Variants in CYP3A4 observed in about 807,000 individuals in gnomAD.
The protein encoded by CYP3A4 is cytochrome P450 3A4.
In CYP3A4, 41 loss-of-function variants were observed where a neutral mutation model predicts 54.9. The ratio of observed to expected loss-of-function variants is 0.75; its 90% CI spans 0.58 to 0.97. CYP3A4 has a LOEUF of 0.97. Among genes scored for constraint, CYP3A4 ranks in the 50% least tolerant of loss-of-function variants. The pLI is 0.00. For missense variants in CYP3A4, 510 were observed against 597.3 expected, an observed-to-expected ratio of 0.85 and a Z score of 1.52; for synonymous variants, 179 against 205.2, an observed-to-expected ratio of 0.87 and a Z score of 1.09.
chr7:99,767,175 A>T lies in CYP3A4; in HGVS notation c.754T>A (p.Ser252Thr), dbSNP rs3208363. 3 of 1,612,026 alleles carry T rather than the reference A, an allele frequency of 1.9e-6. No homozygotes were observed. The highest frequency in any genetic ancestry group is 1.7e-6 in the Non-Finnish European group (2 of 1,179,036). Residue 252 changes from serine (S) to threonine (T), a missense_variant, in exon 8 of 13, where the codon TCT becomes ACT. By Grantham distance (58) the Ser-to-Thr change is moderately conservative. Coordinates refer to ENST00000651514, the MANE Select transcript of CYP3A4 (RefSeq NM_017460.6). Reference sequence around the variant, plus strand: ...CGACTTTCTTTCATCCTTTTTACAGATTTTCTTAAAAAATTTGTAACTTCT... The same window carrying T: ...CGACTTTCTTTCATCCTTTTTACAGTTTTTCTTAAAAAATTTGTAACTTCT... ...PREVTNFLRK[S>T]VKRMKESRLE...
At chr7:99,760,258 A>G (rs1815285772) in intron 12 of CYP3A4, among the ~76,000 whole-genome samples, 1 of 152,196 alleles carries the variant, frequency 6.6e-6, no homozygotes, top group African/African-American at 2.4e-5. Flanking sequence ...TATCCACCAG[A>G]AATGCCTTAA....
In CYP3A4 at chr7:99,772,762, A is replaced by C; in HGVS notation, c.219-73T>G. 4.7e-6 allele frequency: 7 copies of C among 1,499,416 alleles called. No homozygotes were observed. The South Asian group carries it at 8.1e-5, about 17-fold the overall frequency. 92.9% of individuals were successfully genotyped at this position (1,499,416 alleles called of 1,614,324 possible). ...CAGCTGGAGCCCAACCCAGGAAGCC[A>C]GACTTTGATCCTGACTTTACATAAT... On this transcript the variant is annotated intron_variant, in intron 3 of 12. Transcript: ENST00000651514.
intron 12 of CYP3A4, among the ~76,000 whole-genome samples, chr7:99,759,841 A>ATT (rs113554736): frequency 1.1e-4 from 16 of 144,272 alleles, no homozygotes; most frequent in African/African-American, 3.5e-4. Flanking sequence ...AGGGAACAAC[A>ATT]TTTTTTTTTT....
intron 3 of CYP3A4, among the ~76,000 whole-genome samples, chr7:99,774,507 G>GTCA (rs928939171): frequency 6.6e-6 from 1 of 152,062 alleles, no homozygotes; most frequent in African/African-American, 2.4e-5. Context: ...TCAAGTCAGC[G>GTCA]TCATCCCTGG....
At position 99,784,018 on chromosome 7, in the gene CYP3A4, G is replaced by A; in HGVS notation, c.64C>T (p.Leu22Phe). 1.2e-6 allele frequency: 2 copies of A among 1,613,828 alleles called. No individual in the cohort carries two copies. The highest frequency in any genetic ancestry group is 1.7e-6 in the Non-Finnish European group (2 of 1,179,836). ...WLLLAVSLVL[L>F]YLYGTHSHGL... ...GCCTGGACAGTTACTCACAGATAGA[G>A]GAGCACCAGGCTGACAGCCAGGAGA... The change falls in exon 1 of 13, where the codon CTC becomes TTC. Residue 22 changes from leucine (L) to phenylalanine (F), a missense_variant. Transcript: ENST00000651514.
At chr7:99,759,990 C>T (rs1815276480) in intron 12 of CYP3A4, among the ~76,000 whole-genome samples, 1 of 152,122 alleles carries the variant, frequency 6.6e-6, no homozygotes, top group Non-Finnish European at 1.5e-5. Context: ...TGCCTGCCAC[C>T]TCTCCAGGGT....
chr7:99,768,401 T>C lies in CYP3A4; in HGVS notation c.623A>G (p.Lys208Arg), dbSNP rs1815531114. Reference sequence around the variant, plus strand: ...CAAAAAATCAAATCTTAAAAGCTTCTTGGTGTTTTCCACAAAGGGGTCTTG... The same window carrying C: ...CAAAAAATCAAATCTTAAAAGCTTCCTGGTGTTTTCCACAAAGGGGTCTTG... Reference protein sequence around the residue: ...NPQDPFVENTKKLLRFDFLDP... With the variant: ...NPQDPFVENTRKLLRFDFLDP... Residue 208 changes from lysine to arginine, a missense_variant, in exon 7 of 13, where the codon AAG becomes AGG. By Grantham distance (26) the Lys-to-Arg change is conservative. Transcript: ENST00000651514. 6.2e-7 allele frequency: 1 copy of C among 1,613,940 alleles called. No individual in the cohort carries two copies. The highest frequency in any genetic ancestry group is 8.5e-7 in the Non-Finnish European group (1 of 1,179,948).
rs1356977978 is a variant in CYP3A4, at chr7:99,758,193, T to C, written c.1452A>G (p.Gln484=). 2 of 1,614,036 alleles carry C rather than the reference T, an allele frequency of 1.2e-6. No homozygotes were observed. The highest frequency in any genetic ancestry group is 1.7e-5 in the Admixed American group (1 of 60,012). ...PLKLSLGGLL[Q]PEKPVVLKVE... ...CCTTTAGAACAACGGGTTTTTCTGG[T>C]TGAAGAAGTCCTCCTAAGCTTAATT... is the stretch of plus-strand genomic sequence containing the variant. The change falls in exon 13 of 13, where the codon CAA becomes CAG. Residue 484 remains glutamine (Q), a synonymous_variant. Transcript: ENST00000651514.
At chr7:99,783,899 A>T (rs1563047172) in intron 1 of CYP3A4, 112 bp downstream of exon 1, 3 of 1,282,082 alleles carry the variant, frequency 2.3e-6, no homozygotes, top group Non-Finnish European at 3.4e-6. Flanking sequence ...GTAAGCCACC[A>T]CGCCCGGCCT....
chr7:99,776,266 C>G (rs1232161244), intron 3 of CYP3A4, among the ~76,000 whole-genome samples: 7 of 152,168 alleles, frequency 4.6e-5, no homozygotes, highest in African/African-American at 1.7e-4. Context: ...TTAGTTCAAC[C>G]ATTGTGGAAG....
At chr7:99,761,769 T>G (rs1408811167) in intron 11 of CYP3A4, among the ~76,000 whole-genome samples, 1 of 151,980 alleles carries the variant, frequency 6.6e-6, no homozygotes, top group Non-Finnish European at 1.5e-5. Flanking sequence ...TTTAAAAGAG[T>G]CCTTACATTT....
At chr7:99,764,210 A>C (rs1295823404) in intron 9 of CYP3A4, among the ~76,000 whole-genome samples, 195 bp from the exon 10 acceptor site, 1 of 152,114 alleles carries the variant, frequency 6.6e-6, no homozygotes, top group African/African-American at 2.4e-5. Flanking sequence ...ATTTTAATCC[A>C]GTTTTCCCCA....
At chr7:99,779,616 A>T (rs528674838) in intron 2 of CYP3A4, among the ~76,000 whole-genome samples, 1 of 152,356 alleles carries the variant, frequency 6.6e-6, no homozygotes, top group South Asian at 2.1e-4. Flanking sequence ...ATGTACACAG[A>T]TAACAAGTCA....
At chr7:99,772,459 C>CG (rs1563043411) in intron 4 of CYP3A4, 131 bp downstream of exon 4, 23 of 1,067,174 alleles carry the variant, frequency 2.2e-5, no homozygotes, top group Non-Finnish European at 2.1e-5. Flanking sequence ...TGTTACCATT[C>CG]GGGGGGGACA....
chr7:99,769,833 A>G lies in CYP3A4; in HGVS notation c.456T>C (p.Tyr152=), dbSNP rs758385819. 17 of 1,613,844 alleles carry G rather than the reference A, an allele frequency of 1.1e-5. No homozygotes were observed. The African/African-American group carries it at 2.1e-4, about 20-fold the overall frequency. Residue 152 remains tyrosine, a synonymous_variant, in exon 6 of 13, where the codon TAT becomes TAC. Coordinates refer to ENST00000651514, the MANE Select transcript of CYP3A4 (RefSeq NM_017460.6). ...TCAGATTTCTCACCAACACATCTCC[A>G]TACTGGGCAATGATAGGGACCATCT... is the stretch of plus-strand genomic sequence containing the variant. ...LKEMVPIIAQ[Y]GDVLVRNLRR...
chr7:99,770,000 AT>A, intron 5 of CYP3A4, 121 bp downstream of exon 5: 2 of 1,536,796 alleles, frequency 1.3e-6, no homozygotes, highest in African/African-American at 1.4e-5. Flanking sequence ...ATAAAAGACC[AT>A]TTTTAGGCAG....
intron 3 of CYP3A4, among the ~76,000 whole-genome samples, chr7:99,777,421 A>G (rs1402200710): frequency 6.6e-6 from 1 of 152,066 alleles, no homozygotes; most frequent in Non-Finnish European, 1.5e-5. Context: ...ACAACCTTCG[A>G]AAAGTTTTAC....
intron 1 of CYP3A4, among the ~76,000 whole-genome samples, chr7:99,781,526 C>A (rs745918177): frequency 1.3e-5 from 2 of 152,124 alleles, no homozygotes; most frequent in Non-Finnish European, 2.9e-5. Flanking sequence ...ACTCCCCGAA[C>A]TGGGGTTTCT....
At chr7:99,763,437 A>G (rs921446596) in intron 10 of CYP3A4, among the ~76,000 whole-genome samples, 1 of 152,192 alleles carries the variant, frequency 6.6e-6, no homozygotes, top group Non-Finnish European at 1.5e-5. Flanking sequence ...AAATAAAAAG[A>G]GATAAAAAGA....
Sources: allele counts gnomAD v4.1 joint callset (sites outside exome capture counted in the v4.1 genomes callset), GRCh38; gene constraint gnomAD v4.1.1; transcripts MANE v1.5; gene names NCBI Gene and HGNC (gene_info 2026-07-23, HGNC 2026-07-21).